SCRN1: variants seen among roughly 807,000 people sequenced by gnomAD.
The protein encoded by SCRN1 is secernin 1, also known as secernin-1.
Under a neutral mutation model 43.3 loss-of-function variants are expected in SCRN1, and 19 were observed. The ratio of observed to expected loss-of-function variants is 0.44; its 90% CI spans 0.31 to 0.64. The LOEUF (loss-of-function observed/expected upper bound fraction) is 0.64, where lower values mean the gene tolerates loss of function less well. Ranked by LOEUF, SCRN1 falls within the 30% of genes least tolerant of loss-of-function variation. The pLI is 0.09. For missense variants in SCRN1, 447 were observed against 524.1 expected (o/e 0.85, Z 1.44); for synonymous variants, 183 against 188.9 (o/e 0.97, Z 0.26).
intron 2 of SCRN1, among the ~76,000 whole-genome samples, chr7:29,962,919 G>A (rs1299378782): frequency 2.0e-5 from 3 of 152,030 alleles, no homozygotes; most frequent in East Asian, 1.9e-4. Context: ...GGAGACAGAT[G>A]TAACTGTAAG....
Position 29,921,650 on chromosome 7 carries a change from T to C in SCRN1, c.*2307A>G, listed in dbSNP as rs997380424. On this transcript the variant is annotated 3_prime_UTR_variant, in exon 8 of 8. Coordinates refer to ENST00000242059, the MANE Select transcript of SCRN1 (RefSeq NM_014766.5). ...TAGGACTAGGACATCACAATTGTGG[T>C]GCAGAGTATTAGCCAAGACAGCTCT... 2.0e-5 allele frequency: 3 copies of C among 152,242 alleles called. No homozygotes were observed. Among genetic ancestry groups the C allele is most frequent in the African/African-American group, 7.2e-5 (3 of 41,448 alleles). The allele number at this position is 152,242 out of a possible 1,614,324, so 9.4% of individuals were successfully genotyped here.
intron 2 of SCRN1, among the ~76,000 whole-genome samples, chr7:29,966,734 A>G (rs1305559547): frequency 6.6e-6 from 1 of 152,180 alleles, no homozygotes; most frequent in Non-Finnish European, 1.5e-5. Flanking sequence ...GTAAGAGAGG[A>G]AAGTGGGTCT....
rs937984380 is a variant in SCRN1 at position 29,923,894 on chromosome 7, G to A, written c.*63C>T. 2.0e-6 allele frequency: 3 copies of A among 1,516,572 alleles called. No individual in the cohort carries two copies. Among genetic ancestry groups the A allele is most frequent in the Non-Finnish European group, 2.7e-6 (3 of 1,123,976 alleles). 93.9% of individuals were successfully genotyped at this position (1,516,572 alleles called of 1,614,324 possible). On this transcript the variant is annotated 3_prime_UTR_variant, in exon 8 of 8. Transcript: ENST00000242059. The stretch of plus-strand genomic sequence containing the variant: ...TTTTACTCAAACAGGAGAGTGGTTT[G>A]TTTTGCTGGTAATTTAGTAAGGTGG...
chr7:29,970,693 T>C (rs1222934385), intron 1 of SCRN1, among the ~76,000 whole-genome samples: 1 of 152,222 alleles, frequency 6.6e-6, no homozygotes, highest in Non-Finnish European at 1.5e-5. Flanking sequence ...GGTTCTTTTC[T>C]TGTTTATTAA....
intron 4 of SCRN1, among the ~76,000 whole-genome samples, chr7:29,943,409 G>A (rs1471833895): frequency 6.6e-6 from 1 of 152,150 alleles, no homozygotes; most frequent in African/African-American, 2.4e-5. Context: ...ACGGGCCACA[G>A]AGCAGCAAAT....
chr7:29,952,694 A>AGAG (rs1554358020), intron 3 of SCRN1, among the ~76,000 whole-genome samples: 20 of 148,940 alleles, frequency 1.3e-4, no homozygotes, highest in Admixed American at 1.1e-3. Context: ...AAAAAAAAAA[A>AGAG]AGAGAGAGAG....
rs553459355 is a variant in SCRN1, at chr7:29,953,567, T to C, written c.341+1612A>G. On this transcript the variant is annotated intron_variant, in intron 3 of 7. Coordinates refer to ENST00000242059, the MANE Select transcript of SCRN1 (RefSeq NM_014766.5). The stretch of plus-strand genomic sequence containing the variant: ...AAAAACTTCTTGTTATTCTATACAT[T>C]TCATTTTGCTAATCAAGAGAAAACT... Among the ~76,000 whole-genome samples, 4 of 152,292 alleles carry C rather than the reference T, an allele frequency of 2.6e-5. No homozygotes were observed. The East Asian group carries it at 7.7e-4, about 29-fold the overall frequency.
intron 2 of SCRN1, among the ~76,000 whole-genome samples, chr7:29,961,383 G>C (rs1280241198): frequency 7.7e-5 from 9 of 116,910 alleles, no homozygotes; most frequent in Non-Finnish European, 1.4e-4. Context: ...CACAGGGTTG[G>C]GGGTAAGGTC....
At chr7:29,925,158 T>C (rs987498397) in intron 7 of SCRN1, among the ~76,000 whole-genome samples, 2 of 152,174 alleles carry the variant, frequency 1.3e-5, no homozygotes, top group Non-Finnish European at 2.9e-5. Context: ...AGTGGCAGCA[T>C]GCATGCTTCC....
chr7:29,949,548 T>C (rs1429101865), intron 3 of SCRN1, among the ~76,000 whole-genome samples: 3 of 151,920 alleles, frequency 2.0e-5, no homozygotes, highest in African/African-American at 7.2e-5. Flanking sequence ...GGGTTAATTT[T>C]GTATATTTTG....
At chr7:29,963,952 T>C (rs1191843793) in intron 2 of SCRN1, among the ~76,000 whole-genome samples, 1 of 152,228 alleles carries the variant, frequency 6.6e-6, no homozygotes, top group Non-Finnish European at 1.5e-5. Flanking sequence ...ATGTGCTGCA[T>C]TCACACAAAA....
chr7:29,924,025 G>A lies in SCRN1; in HGVS notation c.1177C>T (p.Leu393=), dbSNP rs769561426. Residue 393 remains leucine, a synonymous_variant, in exon 8 of 8, where the codon CTG becomes TTG. Transcript: ENST00000242059. ...MEEILTSSEP[L]DPAEVGDLFY... ...AGGTCCCCCACTTCCGCAGGGTCCA[G>A]TGGCTCGGAGCTGGTCAGGATTTCT... The A allele has an allele frequency of 1.2e-6, 2 of 1,614,230 alleles. No homozygotes were observed. The highest frequency in any genetic ancestry group is 2.2e-5 in the South Asian group (2 of 91,080).
At position 29,926,494 on chromosome 7, in the gene SCRN1, GT is replaced by G; in HGVS notation, c.1043del (p.Tyr348SerfsTer21). 6.2e-7 allele frequency: 1 copy of G among 1,614,070 alleles called. No individual in the cohort carries two copies. Among genetic ancestry groups the G allele is most frequent in the Non-Finnish European group, 8.5e-7 (1 of 1,180,034 alleles). On this transcript the variant is annotated frameshift_variant, in exon 7 of 8. Transcript: ENST00000242059. LOFTEE classifies it high-confidence loss of function. The stretch of plus-strand genomic sequence containing the variant: ...TGGCACGTGCCCACTCGTGGGCTTT[GT>G]ACAGCTCATGCCGGCGGTCTGGTTT... Reference protein sequence around the residue: ...QEKPDRRHELYKAHEWARAII... With the variant: ...QEKPDRRHELXKAHEWARAII...
At chr7:29,931,744 T>A (rs1787161560) in intron 6 of SCRN1, among the ~76,000 whole-genome samples, 1 of 152,136 alleles carries the variant, frequency 6.6e-6, no homozygotes, top group African/African-American at 2.4e-5. Context: ...CTGGCAAATC[T>A]ACTGAGGAGA....
intron 3 of SCRN1, among the ~76,000 whole-genome samples, chr7:29,944,697 G>GA (rs909649248): frequency 6.7e-6 from 1 of 149,450 alleles, no homozygotes; most frequent in African/African-American, 2.5e-5. Flanking sequence ...AAGAAAGAAA[G>GA]AAAAAATCAT....
At chr7:29,962,714 C>A (rs377198269) in intron 2 of SCRN1, among the ~76,000 whole-genome samples, 47 of 133,394 alleles carry the variant, frequency 3.5e-4, no homozygotes, top group Middle Eastern at 4.0e-3. Flanking sequence ...AATAAAATAA[C>A]ATAAAATAAC....
intron 3 of SCRN1, among the ~76,000 whole-genome samples, chr7:29,944,560 G>A (rs1300332194): frequency 6.6e-6 from 1 of 151,752 alleles, no homozygotes; most frequent in African/African-American, 2.4e-5. Context: ...CTACTTGGAA[G>A]GCTGAGGTGG....
chr7:29,942,414 A>AT (rs1403759846), intron 4 of SCRN1, among the ~76,000 whole-genome samples: 1 of 152,118 alleles, frequency 6.6e-6, no homozygotes, highest in African/African-American at 2.4e-5. Context: ...ATTTTGTGTA[A>AT]TTTTTTAAGC....
intron 2 of SCRN1, among the ~76,000 whole-genome samples, chr7:29,959,969 G>A (rs959706740): frequency 7.1e-6 from 1 of 141,076 alleles, no homozygotes; most frequent in African/African-American, 2.6e-5. Context: ...AGGGAGGGAG[G>A]AGGGAGGGAA....
Sources: gnomAD v4.1 joint callset for allele counts (sites outside exome capture counted in the v4.1 genomes callset) on GRCh38, gnomAD v4.1.1 for gene constraint, MANE v1.5 for transcripts, NCBI Gene and HGNC (gene_info 2026-07-23, HGNC 2026-07-21) for gene names.